Variants in LRRC8D observed in about 807,000 individuals in gnomAD.
The protein encoded by LRRC8D is leucine rich repeat containing 8 VRAC subunit D.
In LRRC8D, 20 loss-of-function variants were observed where a neutral mutation model predicts 55.8. The ratio of observed to expected loss-of-function variants is 0.36; its 90% CI spans 0.25 to 0.52. The LOEUF is 0.52. LRRC8D is among the 20% of genes least tolerant of loss of function. LRRC8D has a pLI of 0.93. For synonymous variants in LRRC8D, 352 were observed against 377.0 expected, an observed-to-expected ratio of 0.93 and a Z score of 0.77; for missense variants, 651 against 1,030.8, an observed-to-expected ratio of 0.63 and a Z score of 5.05.
chr1:89,871,667 T>C lies in LRRC8D; in HGVS notation c.-3+27885T>C, dbSNP rs141073027. Reference sequence around the variant, plus strand: ...TACTAACAAAATACCTTAACTGTCATCTCAAAAGTTAATGATAAATGTTAA... The same window carrying C: ...TACTAACAAAATACCTTAACTGTCACCTCAAAAGTTAATGATAAATGTTAA... On this transcript the variant is annotated intron_variant, in intron 2 of 2. Transcript: ENST00000337338. Among the ~76,000 whole-genome samples the C allele has an allele frequency of 2.9e-3, 446 of 152,352 alleles. 1 individual carries two copies. The highest frequency in any genetic ancestry group is 0.01 in the African/African-American group (422 of 41,570).
intron 1 of LRRC8D, among the ~76,000 whole-genome samples, chr1:89,827,247 A>G (rs1660785635): frequency 6.6e-6 from 1 of 151,714 alleles, no homozygotes; most frequent in Non-Finnish European, 1.5e-5. Flanking sequence ...CTACTCGGGA[A>G]GTTGAGGCAG....
chr1:89,856,436 T>C (rs1427579072), intron 2 of LRRC8D, among the ~76,000 whole-genome samples: 13 of 152,196 alleles, frequency 8.5e-5, no homozygotes, highest in Admixed American at 7.9e-4. Flanking sequence ...AGAAAGTAAA[T>C]GCTCTTATGA....
chr1:89,848,866 T>C (rs1365650890), intron 2 of LRRC8D, among the ~76,000 whole-genome samples: 1 of 151,960 alleles, frequency 6.6e-6, no homozygotes, highest in East Asian at 1.9e-4. Context: ...CGCTGGCTAA[T>C]TTTTTGTATT....
rs938384250 is a variant in LRRC8D, at chr1:89,911,789, G to A, written c.-2-21278G>A. ...CGGTCACTTTTGCCCCTTAACGTGC[G>A]TGACTTGCTTTTGACACCTGCAATG... On this transcript the variant is annotated intron_variant, in intron 2 of 2. Transcript: ENST00000337338. The surrounding 1 kb of genome is among the most constrained non-coding windows in gnomAD (Gnocchi z 4.0). Among the ~76,000 whole-genome samples, 8 of 152,180 alleles carry A rather than the reference G, an allele frequency of 5.3e-5. No homozygotes were observed. The highest frequency in any genetic ancestry group is 7.3e-5 in the Non-Finnish European group (5 of 68,030).
chr1:89,934,282 GTT>G lies in LRRC8D; in HGVS notation c.1217_1218del (p.Phe406Ter). The G allele has an allele frequency of 6.2e-7, 1 of 1,614,154 alleles. No homozygotes were observed. Among genetic ancestry groups the G allele is most frequent in the Non-Finnish European group, 8.5e-7 (1 of 1,179,992 alleles). On this transcript the variant is annotated frameshift_variant, in exon 3 of 3. Coordinates refer to ENST00000337338, the MANE Select transcript of LRRC8D (RefSeq NM_001134479.2). LOFTEE classifies it high-confidence loss of function. This position sits in a 1 kb window ranked among gnomAD's most constrained non-coding sequence, Gnocchi z 5.9. ...TTCGAAAAAGTCAGAGAAGAGAGCA[GTT>G]TTAGTGACATTCCAGATGTCAAAAA...
chr1:89,924,894 A>G (rs899632849), intron 2 of LRRC8D, among the ~76,000 whole-genome samples: 2 of 152,156 alleles, frequency 1.3e-5, no homozygotes, highest in Non-Finnish European at 1.5e-5. Flanking sequence ...GAAGGGAACA[A>G]TAGACACAGG....
intron 2 of LRRC8D, among the ~76,000 whole-genome samples, chr1:89,881,983 G>A (rs1380152258): frequency 6.6e-6 from 1 of 152,178 alleles, no homozygotes; most frequent in Non-Finnish European, 1.5e-5. Context: ...TGGTGATGGA[G>A]TAGTGCACTG....
At chr1:89,909,054 G>A (rs548783807) in intron 2 of LRRC8D, among the ~76,000 whole-genome samples, 2 of 152,098 alleles carry the variant, frequency 1.3e-5, no homozygotes, top group Non-Finnish European at 2.9e-5. Flanking sequence ...GTCTGTGTGT[G>A]TGTCTGAAAT....
chr1:89,885,907 A>G (rs17130916), intron 2 of LRRC8D, among the ~76,000 whole-genome samples: 4,159 of 152,230 alleles, frequency 0.027, 198 homozygotes, highest in African/African-American at 0.096. Flanking sequence ...TTTTCATAAG[A>G]TGTAACCTGA....
intron 1 of LRRC8D, among the ~76,000 whole-genome samples, chr1:89,831,538 G>A (rs1002843539): frequency 1.3e-5 from 2 of 152,142 alleles, no homozygotes; most frequent in African/African-American, 4.8e-5. Flanking sequence ...CAGGAGATAC[G>A]GGAAGATTTG....
chr1:89,860,779 A>ATAT (rs1661689269), intron 2 of LRRC8D, among the ~76,000 whole-genome samples: 2 of 70,008 alleles, frequency 2.9e-5, no homozygotes, highest in South Asian at 4.9e-4. Context: ...AAAAAAAAAA[A>ATAT]AAAAAAATAT....
At chr1:89,879,249 G>A (rs1662220905) in intron 2 of LRRC8D, among the ~76,000 whole-genome samples, 1 of 152,196 alleles carries the variant, frequency 6.6e-6, no homozygotes, top group Non-Finnish European at 1.5e-5. Context: ...TTCTCCTTTT[G>A]TTTGGGGATG....
At chr1:89,840,414 G>T (rs969243201) in intron 1 of LRRC8D, among the ~76,000 whole-genome samples, 1 of 152,142 alleles carries the variant, frequency 6.6e-6, no homozygotes, top group Non-Finnish European at 1.5e-5. Context: ...TTTGGGAGTC[G>T]TACAGAGTGA....
intron 2 of LRRC8D, among the ~76,000 whole-genome samples, chr1:89,867,409 A>G (rs1228593114): frequency 3.3e-5 from 5 of 152,192 alleles, no homozygotes; most frequent in Non-Finnish European, 7.3e-5. Context: ...AAAGTGTACC[A>G]TTCTGTAATG....
chr1:89,885,487 A>G (rs1172067777), intron 2 of LRRC8D, among the ~76,000 whole-genome samples: 1 of 152,232 alleles, frequency 6.6e-6, no homozygotes, highest in African/African-American at 2.4e-5. Context: ...ATATCCTGAC[A>G]GTGTTAGAAT....
At chr1:89,856,289 C>T (rs1361782828) in intron 2 of LRRC8D, among the ~76,000 whole-genome samples, 1 of 152,140 alleles carries the variant, frequency 6.6e-6, no homozygotes, top group African/African-American at 2.4e-5. Flanking sequence ...ATGTTGAACA[C>T]TGAACCATAT....
rs986720025 is a variant in LRRC8D, at chr1:89,911,422, T to C, written c.-2-21645T>C. On this transcript the variant is annotated intron_variant, in intron 2 of 2. Transcript: ENST00000337338. The surrounding 1 kb of genome is among the most constrained non-coding windows in gnomAD (Gnocchi z 4.0). The stretch of plus-strand genomic sequence containing the variant: ...GTAGTTTTATGAAGTCATAGCAACA[T>C]GCCGCATACTTGAGTTATAGCTCCT... Among the ~76,000 whole-genome samples the C allele has an allele frequency of 6.6e-6, 1 of 152,198 alleles. No homozygotes were observed. Among genetic ancestry groups the C allele is most frequent in the African/African-American group, 2.4e-5 (1 of 41,458 alleles).
intron 2 of LRRC8D, among the ~76,000 whole-genome samples, chr1:89,865,774 G>A (rs1661826855): frequency 6.6e-6 from 1 of 152,144 alleles, no homozygotes; most frequent in African/African-American, 2.4e-5. Context: ...CAAAGATGAT[G>A]TTACCATTTC....
chr1:89,929,939 G>A (rs1663661007), intron 2 of LRRC8D: 2 of 152,370 alleles, frequency 1.3e-5, no homozygotes, highest in Admixed American at 6.5e-5. Flanking sequence ...ATCAGCAGCA[G>A]CATTAGATTC....
Sources: gnomAD v4.1 joint callset for allele counts (sites outside exome capture counted in the v4.1 genomes callset) on GRCh38, gnomAD v4.1.1 for gene constraint, Gnocchi (gnomAD v3.1) non-coding constraint, MANE v1.5 for transcripts, NCBI Gene and HGNC (gene_info 2026-07-23, HGNC 2026-07-21) for gene names.